Variants in ENTPD5 observed in about 807,000 individuals in gnomAD.
ENTPD5 encodes the protein ectonucleoside triphosphate diphosphohydrolase 5 (inactive).
A neutral mutation model predicts 60.2 loss-of-function variants in ENTPD5; 49 were observed. The ratio of observed to expected loss-of-function variants is 0.81; its 90% confidence interval spans 0.65 to 1.03. ENTPD5 has a LOEUF of 1.03. Ranked by LOEUF, ENTPD5 falls within the 50% of genes least tolerant of loss-of-function variation. The probability of loss-of-function intolerance (pLI) is 0.00; values close to 1 mark genes in which losing one functional copy is unlikely to be tolerated. For missense variants in ENTPD5, 480 were observed against 507.6 expected, an observed-to-expected ratio of 0.95 and a Z score of 0.52; for synonymous variants, 187 against 185.4, an observed-to-expected ratio of 1.01 and a Z score of -0.07.
At chr14:74,005,679 C>T (rs1056946597) in intron 3 of ENTPD5, among the ~76,000 whole-genome samples, 7 of 150,930 alleles carry the variant, frequency 4.6e-5, no homozygotes, top group Non-Finnish European at 1.0e-4. Flanking sequence ...GTGTGGTGCA[C>T]GCCTGTAATC....
chr14:73,989,425 C>T (rs62005064), intron 3 of ENTPD5, among the ~76,000 whole-genome samples: 23,268 of 147,028 alleles, frequency 0.16, 2,175 homozygotes, highest in East Asian at 0.34. Context: ...AGGCCGGGCG[C>T]GGTGGCTCAT....
intron 5 of ENTPD5, among the ~76,000 whole-genome samples, chr14:73,985,639 T>C (rs936565477): frequency 5.3e-5 from 8 of 152,338 alleles, no homozygotes; most frequent in African/African-American, 1.9e-4. Context: ...TTCTGGATAT[T>C]AGCCCTTTGT....
At chr14:74,016,001 T>A (rs1481819525) in intron 1 of ENTPD5, 71 bp from the exon 2 acceptor site, 1 of 152,162 alleles carries the variant, frequency 6.6e-6, no homozygotes, top group African/African-American at 2.4e-5. Context: ...TTAAAAGCAT[T>A]AGTGTTCTAA....
chr14:73,977,438 T>C, intron 6 of ENTPD5, 64 bp from the exon 7 acceptor site: 1 of 1,262,972 alleles, frequency 7.9e-7, no homozygotes, highest in Non-Finnish European at 1.1e-6. Flanking sequence ...TTTCCATATT[T>C]TGACAGTGTC....
chr14:73,980,269 CTT>C (rs1358773565), intron 6 of ENTPD5, among the ~76,000 whole-genome samples: 8 of 132,778 alleles, frequency 6.0e-5, no homozygotes, highest in Non-Finnish European at 6.6e-5. Context: ...CAGTTTCAAT[CTT>C]TTTTTTTTTT....
intron 11 of ENTPD5, among the ~76,000 whole-genome samples, chr14:73,974,562 C>T (rs1388117954): frequency 1.3e-5 from 2 of 152,184 alleles, no homozygotes; most frequent in African/African-American, 4.8e-5. Context: ...TGTTGTTCCA[C>T]CTGCATGTAG....
intron 14 of ENTPD5, among the ~76,000 whole-genome samples, 184 bp downstream of exon 14, chr14:73,971,668 G>A (rs1007393782): frequency 1.3e-5 from 2 of 152,086 alleles, no homozygotes; most frequent in Admixed American, 6.6e-5. Flanking sequence ...CTACAGATGC[G>A]TGCCACCATG....
At position 74,018,605 on chromosome 14, in the gene ENTPD5, TTTC is replaced by T. The variant is rs1415532310; in HGVS notation, c.-238+642_-238+644del. On this transcript the variant is annotated intron_variant, in intron 1 of 15. Coordinates refer to ENST00000334696, the MANE Select transcript of ENTPD5 (RefSeq NM_001249.5). The stretch of plus-strand genomic sequence containing the variant: ...TGAAGAGCTTCCAACTTTATGCAAC[TTTC>T]AGGAAAGAAGGCTGCGGACCGGTAT... The T allele has an allele frequency of 5.9e-5, 9 of 152,254 alleles. No individual in the cohort carries two copies. In the East Asian group the frequency reaches 1.5e-3, roughly 26 times the overall value. 9.4% of individuals were successfully genotyped at this position (152,254 alleles called of 1,614,324 possible). A position where few individuals can be genotyped will look rare whatever the true frequency, so the allele number is the denominator to read the frequency against.
chr14:73,984,680 C>T (rs1173744263), intron 5 of ENTPD5, among the ~76,000 whole-genome samples: 1 of 151,418 alleles, frequency 6.6e-6, no homozygotes, highest in South Asian at 2.1e-4. Context: ...CCTAATTTTT[C>T]TTTTTTAATT....
chr14:73,955,920 C>CTG (rs2056408785), downstream of ENTPD5: 1 of 1,614,066 alleles, frequency 6.2e-7, no homozygotes, highest in East Asian at 2.2e-5. Context: ...CAGTTGGAGG[C>CTG]TGTGTCTGGT....
At chr14:73,969,891 CCAAA>C in intron 15 of ENTPD5, 115 bp downstream of exon 15, 3 of 721,328 alleles carry the variant, frequency 4.2e-6, no homozygotes, top group Non-Finnish European at 7.3e-6. Context: ...TGTCCATAGC[CCAAA>C]CAAAAATACC....
At chr14:73,982,081 TG>T (rs1779088587) in intron 6 of ENTPD5, among the ~76,000 whole-genome samples, 4 of 152,158 alleles carry the variant, frequency 2.6e-5, no homozygotes, top group African/African-American at 9.7e-5. Flanking sequence ...ATTTTTTGTT[TG>T]TTTGTTTTTT....
intron 15 of ENTPD5, 95 bp downstream of exon 15, chr14:73,969,915 C>G: frequency 1.2e-6 from 1 of 868,550 alleles, no homozygotes. Context: ...CTCATAATTT[C>G]ACTTCTAGCT....
Position 73,975,994 on chromosome 14 carries a change from T to C in ENTPD5, c.664A>G (p.Arg222Gly). Residue 222 changes from arginine to glycine, a missense_variant, in exon 10 of 16, where the codon AGG (arginine) becomes GGG (glycine). By Grantham distance (125) the Arg-to-Gly change is moderately radical. Coordinates refer to ENST00000334696, the MANE Select transcript of ENTPD5 (RefSeq NM_001249.5). ...QFEKTLEQTP[R>G]GYLTSFEMFN... ...ATCTCAAAGGAAGTGAGGTAGCCCCTAGGAGTTTGTTCCAGAGTTTTCTGC... is the reference window on the plus strand; with the variant it reads ...ATCTCAAAGGAAGTGAGGTAGCCCCCAGGAGTTTGTTCCAGAGTTTTCTGC... 6.2e-6 allele frequency: 10 copies of C among 1,613,498 alleles called. No individual in the cohort carries two copies. Among genetic ancestry groups the C allele is most frequent in the Non-Finnish European group, 7.6e-6 (9 of 1,179,802 alleles).
downstream of ENTPD5, chr14:73,962,566 A>AC (rs1027766854): frequency 6.9e-5 from 13 of 189,452 alleles, no homozygotes; most frequent in Non-Finnish European, 1.3e-4. Context: ...CTCTTGAAAA[A>AC]AAAAAATGAA....
rs1324988307 is a variant in ENTPD5 at position 73,975,364 on chromosome 14, C to G, written c.723-379G>C. ...AGCTGGCAAGGAGCTTTGCCTGAGC[C>G]TTCTTGAAGTGTCCTCTCCCTACAG... On this transcript the variant is annotated intron_variant, in intron 10 of 15. Coordinates refer to ENST00000334696, the MANE Select transcript of ENTPD5 (RefSeq NM_001249.5). Among the ~76,000 whole-genome samples, 3 of 151,686 alleles carry G rather than the reference C, an allele frequency of 2.0e-5. No individual in the cohort carries two copies. The East Asian group carries it at 5.8e-4, about 29-fold the overall frequency.
intron 3 of ENTPD5, among the ~76,000 whole-genome samples, chr14:73,988,881 T>C (rs933931008): frequency 1.3e-5 from 2 of 152,224 alleles, no homozygotes; most frequent in African/African-American, 4.8e-5. Context: ...TGGAATGCAG[T>C]GGCGCAATCT....
chr14:73,958,310 T>C (rs1022761981), downstream of ENTPD5: 6 of 1,613,126 alleles, frequency 3.7e-6, no homozygotes, highest in Admixed American at 3.3e-5. Flanking sequence ...CTAGGGGTCT[T>C]GTATATCTAC....
In ENTPD5 at chr14:74,003,505, C is replaced by T. The variant is rs114420906; in HGVS notation, c.-71+7586G>A. ...AGCTTGTTGCACCGTGGAGGCCACACAGGAGCAGAAACATGGAATGCCAGA... is the reference window on the plus strand; with the variant it reads ...AGCTTGTTGCACCGTGGAGGCCACATAGGAGCAGAAACATGGAATGCCAGA... On this transcript the variant is annotated intron_variant, in intron 3 of 15. Coordinates refer to ENST00000334696, the MANE Select transcript of ENTPD5 (RefSeq NM_001249.5). 1,089 of 1,304,658 alleles carry T rather than the reference C, an allele frequency of 8.3e-4. 6 individuals carry two copies. In the African/African-American group the frequency reaches 0.015, roughly 18 times the overall value. 80.8% of individuals were successfully genotyped at this position (1,304,658 alleles called of 1,614,324 possible).
Sources: gnomAD v4.1 joint callset for allele counts (sites outside exome capture counted in the v4.1 genomes callset) on GRCh38, gnomAD v4.1.1 for gene constraint, MANE v1.5 for transcripts, NCBI Gene and HGNC (gene_info 2026-07-23, HGNC 2026-07-21) for gene names.